STK32B: variants seen among roughly 807,000 people sequenced by gnomAD.
The protein encoded by STK32B is serine/threonine-protein kinase 32B.
STK32B carries 43 observed loss-of-function variants against 52.6 expected under a neutral mutation model. That is an observed-to-expected ratio of 0.82 (90% confidence interval 0.64 to 1.05). The LOEUF (loss-of-function observed/expected upper bound fraction) is 1.05. STK32B is among the 50% of genes least tolerant of loss of function. The pLI is 0.00. For synonymous variants in STK32B, 238 were observed against 204.3 expected (o/e 1.17, Z -1.41); for missense variants, 621 against 534.6 (o/e 1.16, Z -1.59).
intron 1 of STK32B, among the ~76,000 whole-genome samples, chr4:5,075,108 C>A (rs1249088934): frequency 6.6e-6 from 1 of 152,126 alleles, no homozygotes; most frequent in Admixed American, 6.6e-5. Flanking sequence ...CATTTTGGGG[C>A]ACTGAAATTA....
the STK32B span, among the ~76,000 whole-genome samples, chr4:5,033,668 C>T: frequency 1.3e-5 from 2 of 152,288 alleles, no homozygotes; most frequent in South Asian, 2.1e-4. Flanking sequence ...GCAAGAAGGG[C>T]GGAAGCACCC....
At chr4:5,025,902 G>C in the STK32B span, among the ~76,000 whole-genome samples, 1 of 152,198 alleles carries the variant, frequency 6.6e-6, no homozygotes, top group Non-Finnish European at 1.5e-5. Flanking sequence ...AGGTGGGGCG[G>C]AGACATTACC....
intron 3 of STK32B, among the ~76,000 whole-genome samples, chr4:5,330,809 G>A (rs1732187092): frequency 6.6e-6 from 1 of 152,236 alleles, no homozygotes; most frequent in Non-Finnish European, 1.5e-5. Context: ...AGAGCAGCAT[G>A]CATATGCAGG....
At chr4:5,148,001 T>G (rs1717046475) in intron 2 of STK32B, among the ~76,000 whole-genome samples, 1 of 151,932 alleles carries the variant, frequency 6.6e-6, no homozygotes, top group Admixed American at 6.5e-5. Context: ...GTTTGATAGG[T>G]TTTACAAATG....
the STK32B span, among the ~76,000 whole-genome samples, chr4:5,020,585 C>T: frequency 3.7e-4 from 57 of 152,288 alleles, no homozygotes; most frequent in African/African-American, 1.3e-3. Context: ...AAGCTGGAGG[C>T]ACATGGGTTG....
chr4:5,367,376 G>A (rs1734944736), intron 4 of STK32B, among the ~76,000 whole-genome samples: 1 of 152,198 alleles, frequency 6.6e-6, no homozygotes, highest in Non-Finnish European at 1.5e-5. Context: ...GGGATGGTGG[G>A]TGGACTCTGC....
chr4:5,099,445 T>TGTGCGCGCGC (rs1713582906), intron 1 of STK32B, among the ~76,000 whole-genome samples: 3 of 77,028 alleles, frequency 3.9e-5, no homozygotes, highest in African/African-American at 2.4e-4. Context: ...TGTGTGTGTG[T>TGTGCGCGCGC]GTGTGCGCGC....
chr4:5,070,778 G>A (rs570237616), intron 1 of STK32B, among the ~76,000 whole-genome samples: 2 of 152,266 alleles, frequency 1.3e-5, no homozygotes, highest in East Asian at 3.9e-4. Flanking sequence ...GGTTGGAACA[G>A]AACATGCAGC....
intron 1 of STK32B, among the ~76,000 whole-genome samples, chr4:5,065,779 A>G (rs951031221): frequency 1.3e-5 from 2 of 152,192 alleles, no homozygotes; most frequent in Non-Finnish European, 2.9e-5. Flanking sequence ...GCTGGAGAGC[A>G]GTAGCGTGAT....
At chr4:5,110,891 A>G (rs893402663) in intron 1 of STK32B, among the ~76,000 whole-genome samples, 30 of 152,116 alleles carry the variant, frequency 2.0e-4, no homozygotes, top group Non-Finnish European at 7.4e-5. Flanking sequence ...TCCAGAATCT[A>G]TAAGGAACTC....
intron 3 of STK32B, among the ~76,000 whole-genome samples, chr4:5,219,137 G>A (rs1374714483): frequency 1.3e-5 from 2 of 152,222 alleles, no homozygotes; most frequent in Non-Finnish European, 2.9e-5. Flanking sequence ...GCTTCTCCAA[G>A]GTGGAGTCTG....
intron 1 of STK32B, among the ~76,000 whole-genome samples, chr4:5,130,737 G>T (rs1168862482): frequency 6.6e-6 from 1 of 152,148 alleles, no homozygotes; most frequent in Non-Finnish European, 1.5e-5. Context: ...ACCCATTCCT[G>T]CCTGAGGAAA....
intron 6 of STK32B, among the ~76,000 whole-genome samples, chr4:5,434,450 G>GTATATATATATATA (rs1433116826): frequency 6.8e-5 from 7 of 103,364 alleles, no homozygotes; most frequent in Non-Finnish European, 1.4e-4. Context: ...GTGTGTGTGT[G>GTATATATATATATA]TGTGTATATA....
At chr4:5,137,397 C>T (rs16836697) in intron 1 of STK32B, among the ~76,000 whole-genome samples, 12,471 of 152,222 alleles carry the variant, frequency 0.082, 854 homozygotes, top group Admixed American at 0.22. Context: ...TGGTGCCATT[C>T]CTTTTCCAGT....
At chr4:5,447,233 A>G (rs538185189) in intron 7 of STK32B, 1 of 155,864 alleles carries the variant, frequency 6.4e-6, no homozygotes, top group African/African-American at 2.4e-5. Context: ...ACATTCAATC[A>G]ATACGTATTT....
chr4:5,454,214 G>C (rs1033475232), intron 7 of STK32B, among the ~76,000 whole-genome samples: 1 of 152,182 alleles, frequency 6.6e-6, no homozygotes, highest in African/African-American at 2.4e-5. Context: ...ACCTCCTGGA[G>C]TGAGAGCTCT....
the STK32B span, among the ~76,000 whole-genome samples, chr4:5,045,188 C>T: frequency 1.3e-5 from 2 of 152,392 alleles, no homozygotes; most frequent in East Asian, 3.9e-4. Context: ...TTTGAGCCAC[C>T]TGCCAGGCTC....
At chr4:5,264,342 T>A (rs188347306) in intron 3 of STK32B, among the ~76,000 whole-genome samples, 40 of 152,346 alleles carry the variant, frequency 2.6e-4, no homozygotes, top group African/African-American at 8.9e-4. Flanking sequence ...CTAGGCAGTG[T>A]GCTTTGGTAT....
intron 11 of STK32B, among the ~76,000 whole-genome samples, chr4:5,485,787 G>A (rs1318326690): frequency 6.6e-6 from 1 of 152,206 alleles, no homozygotes; most frequent in Non-Finnish European, 1.5e-5. Context: ...CTTTCTGTTT[G>A]TTAGTTTTCC....
Sources: gnomAD v4.1 joint callset for allele counts (sites outside exome capture counted in the v4.1 genomes callset) on GRCh38, gnomAD v4.1.1 for gene constraint, MANE v1.5 for transcripts, NCBI Gene and HGNC (gene_info 2026-07-23, HGNC 2026-07-21) for gene names.